The following SLC39A11 variants were observed in gnomAD, a reference collection of about 807,000 sequenced individuals.
SLC39A11 encodes the protein solute carrier family 39 member 11.
SLC39A11 carries 33 observed loss-of-function variants against 36.1 expected under a neutral mutation model. The ratio of observed to expected loss-of-function variants is 0.91; its 90% CI spans 0.69 to 1.22. SLC39A11 has a LOEUF of 1.22. Ranked by LOEUF, SLC39A11 falls within the 50% of genes most tolerant of loss-of-function variation. The probability of loss-of-function intolerance (pLI) is 0.00; values close to 1 mark genes in which losing one functional copy is unlikely to be tolerated. For synonymous variants in SLC39A11, 166 were observed against 170.3 expected, an observed-to-expected ratio of 0.97 and a Z score of 0.20; for missense variants, 432 against 430.3, an observed-to-expected ratio of 1.00 and a Z score of -0.03.
In SLC39A11 at chr17:73,054,763, G is replaced by A. The variant is rs571201628; in HGVS notation, c.148-23049C>T. ...GCACAGGTTGCAGTGAGCCAAGATC[G>A]TGCCATTGCACTCCAGCCTGGGTGA... On this transcript the variant is annotated intron_variant, in intron 3 of 9. Coordinates refer to ENST00000255559, the MANE Select transcript of SLC39A11 (RefSeq NM_139177.4). Among the ~76,000 whole-genome samples, 10 of 148,474 alleles carry A rather than the reference G, an allele frequency of 6.7e-5. 1 individual carries two copies. Among genetic ancestry groups the A allele is most frequent in the Middle Eastern group, 3.6e-3 (1 of 280 alleles).
intron 7 of SLC39A11, among the ~76,000 whole-genome samples, chr17:72,728,655 T>C (rs1021615139): frequency 1.3e-5 from 2 of 152,034 alleles, no homozygotes; most frequent in East Asian, 1.9e-4. Flanking sequence ...TTTCCAGAAA[T>C]AGGTGTTGGG....
intron 6 of SLC39A11, among the ~76,000 whole-genome samples, chr17:72,841,597 C>CA (rs1260738955): frequency 4.7e-5 from 7 of 149,370 alleles, no homozygotes; most frequent in African/African-American, 4.9e-5. Context: ...TTAATAGGTA[C>CA]AAAAAAAAAT....
chr17:72,900,801 G>A (rs1246162681), intron 5 of SLC39A11, among the ~76,000 whole-genome samples: 1 of 152,188 alleles, frequency 6.6e-6, no homozygotes, highest in Non-Finnish European at 1.5e-5. Flanking sequence ...CCGAGTCACT[G>A]TGCTGGGAAA....
intron 5 of SLC39A11, among the ~76,000 whole-genome samples, chr17:72,937,743 T>C (rs1368499609): frequency 6.6e-6 from 1 of 152,172 alleles, no homozygotes; most frequent in Non-Finnish European, 1.5e-5. Flanking sequence ...CCTTCCCTAC[T>C]GGAAAGGGCA....
chr17:72,983,412 G>C (rs1387872016), intron 4 of SLC39A11, among the ~76,000 whole-genome samples: 1 of 152,218 alleles, frequency 6.6e-6, no homozygotes, highest in African/African-American at 2.4e-5. Flanking sequence ...GCCTCCCGAA[G>C]TGCTGGGATT....
intron 7 of SLC39A11, among the ~76,000 whole-genome samples, chr17:72,666,913 G>C (rs1166412513): frequency 6.6e-6 from 1 of 152,192 alleles, no homozygotes; most frequent in African/African-American, 2.4e-5. Context: ...TGAGGTTTCA[G>C]GGGCATTGAA....
chr17:72,700,149 C>T (rs561649199), intron 7 of SLC39A11, among the ~76,000 whole-genome samples: 57 of 152,274 alleles, frequency 3.7e-4, no homozygotes, highest in Non-Finnish European at 7.4e-4. Context: ...GCTTCTTTGG[C>T]GGGAGATGGG....
At chr17:72,886,700 C>G (rs996595954) in intron 5 of SLC39A11, among the ~76,000 whole-genome samples, 1 of 152,210 alleles carries the variant, frequency 6.6e-6, no homozygotes, top group Non-Finnish European at 1.5e-5. Context: ...CTGTCATACT[C>G]TAATTGAGAT....
At chr17:72,994,657 A>G (rs1216514195) in intron 4 of SLC39A11, among the ~76,000 whole-genome samples, 1 of 152,198 alleles carries the variant, frequency 6.6e-6, no homozygotes, top group Non-Finnish European at 1.5e-5. Flanking sequence ...GTACTCCACA[A>G]ACAGGATCCA....
chr17:72,731,282 T>G (rs756809556), intron 7 of SLC39A11, among the ~76,000 whole-genome samples: 3 of 152,212 alleles, frequency 2.0e-5, no homozygotes, highest in Non-Finnish European at 4.4e-5. Context: ...CTGTCGTTTC[T>G]GTGTAGAGAA....
At chr17:72,660,917 G>T (rs1217761147) in intron 7 of SLC39A11, among the ~76,000 whole-genome samples, 1 of 152,148 alleles carries the variant, frequency 6.6e-6, no homozygotes, top group Non-Finnish European at 1.5e-5. Flanking sequence ...AGGGGGAGGG[G>T]ACCAACCCTG....
At chr17:73,031,501 T>C (rs2058736824) in intron 4 of SLC39A11, 55 bp downstream of exon 4, 1 of 1,584,006 alleles carries the variant, frequency 6.3e-7, no homozygotes, top group African/African-American at 1.4e-5. Context: ...AATAAATTCA[T>C]TGCACAGAGC....
chr17:73,077,415 T>A (rs568631981), intron 3 of SLC39A11, among the ~76,000 whole-genome samples: 6 of 152,250 alleles, frequency 3.9e-5, no homozygotes, highest in Non-Finnish European at 7.3e-5. Flanking sequence ...CCTCCCAGGC[T>A]CGAGCAATTC....
chr17:72,894,216 G>T (rs1342546779), intron 5 of SLC39A11, among the ~76,000 whole-genome samples: 1 of 151,536 alleles, frequency 6.6e-6, no homozygotes, highest in Non-Finnish European at 1.5e-5. Context: ...ACAAAAATTA[G>T]CTGTGCGTGG....
At chr17:72,960,384 T>C (rs993337679) in intron 4 of SLC39A11, among the ~76,000 whole-genome samples, 21 of 150,762 alleles carry the variant, frequency 1.4e-4, no homozygotes, top group Non-Finnish European at 2.2e-4. Flanking sequence ...CTTGTATACA[T>C]AGGTAGGTAG....
At chr17:72,973,861 G>C (rs185953260) in intron 4 of SLC39A11, among the ~76,000 whole-genome samples, 1 of 152,176 alleles carries the variant, frequency 6.6e-6, no homozygotes, top group Admixed American at 6.5e-5. Flanking sequence ...CACCTGGCCA[G>C]TAAGTGATTC....
intron 3 of SLC39A11, among the ~76,000 whole-genome samples, chr17:73,083,353 G>A (rs1439816735): frequency 3.9e-5 from 6 of 152,074 alleles, no homozygotes; most frequent in Admixed American, 6.6e-5. Flanking sequence ...TGTTTTTGAC[G>A]GAACAGTGGC....
chr17:72,735,742 G>A (rs2143964633), intron 7 of SLC39A11, among the ~76,000 whole-genome samples: 1 of 152,272 alleles, frequency 6.6e-6, no homozygotes, highest in Non-Finnish European at 1.5e-5. Flanking sequence ...GCTCCATCCT[G>A]CAGAGTGTGG....
intron 4 of SLC39A11, among the ~76,000 whole-genome samples, chr17:72,951,112 T>C (rs865950454): frequency 7.9e-6 from 1 of 127,072 alleles, no homozygotes; most frequent in African/African-American, 2.7e-5. Context: ...AAAAAAAAAA[T>C]TAGCCAGGTA....
Sources: allele counts gnomAD v4.1 joint callset (sites outside exome capture counted in the v4.1 genomes callset), GRCh38; gene constraint gnomAD v4.1.1; transcripts MANE v1.5; gene names NCBI Gene and HGNC (gene_info 2026-07-23, HGNC 2026-07-21).